The following SLC4A5 variants were observed in gnomAD, a reference collection of about 807,000 sequenced individuals.
SLC4A5 encodes solute carrier family 4 member 5, also known as electrogenic sodium bicarbonate cotransporter 4.
Under a neutral mutation model 120.4 loss-of-function variants are expected in SLC4A5, and 96 were observed. That is an observed-to-expected ratio of 0.80 (90% CI 0.68 to 0.94). SLC4A5 has a LOEUF of 0.94. Among genes scored for constraint, SLC4A5 ranks in the 40% least tolerant of loss-of-function variants. The probability of loss-of-function intolerance (pLI) is 0.00; values close to 1 mark genes in which losing one functional copy is unlikely to be tolerated. For synonymous variants in SLC4A5, 550 were observed against 571.1 expected (o/e 0.96, Z 0.53); for missense variants, 1,259 against 1,459.5 (o/e 0.86, Z 2.24).
At chr2:74,266,106 T>G (rs774717850) in intron 8 of SLC4A5, among the ~76,000 whole-genome samples, 1 of 151,986 alleles carries the variant, frequency 6.6e-6, no homozygotes, top group Non-Finnish European at 1.5e-5. Context: ...AGGAGAATGG[T>G]GAGGAAAGTT....
chr2:74,331,707 C>T (rs1222076947), intron 4 of SLC4A5, among the ~76,000 whole-genome samples: 1 of 152,002 alleles, frequency 6.6e-6, no homozygotes, highest in Non-Finnish European at 1.5e-5. Context: ...ACCTCTCTCC[C>T]TCCAAGCACT....
chr2:74,281,610 C>T (rs1005285550), intron 8 of SLC4A5, among the ~76,000 whole-genome samples: 12 of 152,136 alleles, frequency 7.9e-5, no homozygotes, highest in Admixed American at 6.5e-5. Context: ...TTAGAAATGA[C>T]GCTGCACACA....
At chr2:74,293,463 C>T (rs1672236045) in intron 7 of SLC4A5, among the ~76,000 whole-genome samples, 1 of 152,148 alleles carries the variant, frequency 6.6e-6, no homozygotes, top group Non-Finnish European at 1.5e-5. Flanking sequence ...GACACCTGTC[C>T]CAAGCCTGTG....
chr2:74,282,748 T>C (rs998215443), intron 8 of SLC4A5, among the ~76,000 whole-genome samples: 1 of 152,208 alleles, frequency 6.6e-6, no homozygotes, highest in Admixed American at 6.5e-5. Flanking sequence ...GTGTGTGTGA[T>C]AGGCCCTCGT....
At chr2:74,321,750 A>G (rs1303337629) in intron 5 of SLC4A5, among the ~76,000 whole-genome samples, 1 of 151,404 alleles carries the variant, frequency 6.6e-6, no homozygotes, top group Non-Finnish European at 1.5e-5. Context: ...ACAAAACTTT[A>G]TTTTGTTCAG....
At chr2:74,246,987 G>T in intron 19 of SLC4A5, 49 bp downstream of exon 19, 1 of 1,596,020 alleles carries the variant, frequency 6.3e-7, no homozygotes, top group Non-Finnish European at 8.5e-7. Flanking sequence ...GGATCAGGGG[G>T]CCGGTGGGGT....
intron 19 of SLC4A5, among the ~76,000 whole-genome samples, chr2:74,246,459 A>G (rs529001011): frequency 2.4e-3 from 364 of 152,316 alleles, no homozygotes; most frequent in Non-Finnish European, 4.2e-3. Context: ...CCTTTGTGAC[A>G]TGACAGTCCT....
At chr2:74,236,281 T>TGCC (rs1345102966) in intron 21 of SLC4A5, among the ~76,000 whole-genome samples, 4 of 152,260 alleles carry the variant, frequency 2.6e-5, no homozygotes, top group Admixed American at 2.6e-4. Context: ...ACTTACACTG[T>TGCC]GCCTCCTGTC....
intron 16 of SLC4A5, chr2:74,250,731 A>G: frequency 1.8e-6 from 1 of 559,690 alleles, no homozygotes; most frequent in Non-Finnish European, 3.2e-6. Flanking sequence ...AAGGGTGGAC[A>G]TAGAGGGTTT....
At chr2:74,227,214 T>TG (rs1694876175) in intron 26 of SLC4A5, 84 bp from the exon 27 acceptor site, 4 of 1,450,950 alleles carry the variant, frequency 2.8e-6, no homozygotes, top group African/African-American at 2.8e-5. Flanking sequence ...GGTGCCTGGG[T>TG]GGGGTCTCAG....
chr2:74,288,471 T>A (rs1281914947), intron 7 of SLC4A5, among the ~76,000 whole-genome samples: 1 of 152,220 alleles, frequency 6.6e-6, no homozygotes, highest in Admixed American at 6.5e-5. Context: ...TCAGAGGTGA[T>A]CATCGCCGCT....
chr2:74,244,500 CTTCT>C lies in SLC4A5; in HGVS notation c.2060-2452_2060-2449del, dbSNP rs886760591. On this transcript the variant is annotated intron_variant, in intron 19 of 30. Coordinates refer to ENST00000394019, the Ensembl canonical transcript of SLC4A5. ...TTTCTTCTCCTTTCTCTCTCCCTTCCTTCTTTTCTTTCCCCTTTCTTTCTCTTTC... is the reference window on the plus strand; with the variant it reads ...TTTCTTCTCCTTTCTCTCTCCCTTCCTTTCTTTCCCCTTTCTTTCTCTTTC... Among the ~76,000 whole-genome samples, 276 of 128,936 alleles carry C rather than the reference CTTCT, an allele frequency of 2.1e-3. 1 individual carries two copies. The highest frequency in any genetic ancestry group is 8.2e-3 in the African/African-American group (264 of 32,194). The allele number at this position is 128,936 out of a possible 152,430, so 84.6% of individuals were successfully genotyped here. A position where few individuals can be genotyped will look rare whatever the true frequency, so the allele number is the denominator to read the frequency against.
At chr2:74,227,576 G>C (rs1239058401) in intron 26 of SLC4A5, 1 of 1,594,012 alleles carries the variant, frequency 6.3e-7, no homozygotes, top group Non-Finnish European at 8.6e-7. Context: ...TGTAAAATGG[G>C]GATCAGAGGA....
chr2:74,342,741 C>T (rs546952022), intron 1 of SLC4A5, among the ~76,000 whole-genome samples: 3 of 152,286 alleles, frequency 2.0e-5, no homozygotes, highest in Admixed American at 6.5e-5. Context: ...GTTCCTCATG[C>T]GTTCCTTCCC....
At chr2:74,342,968 G>A (rs1459744450) in intron 1 of SLC4A5, among the ~76,000 whole-genome samples, 3 of 151,924 alleles carry the variant, frequency 2.0e-5, no homozygotes, top group Admixed American at 6.6e-5. Flanking sequence ...TATGCACAGA[G>A]GTCTAACTAG....
intron 27 of SLC4A5, among the ~76,000 whole-genome samples, chr2:74,225,460 G>A (rs1694810079): frequency 6.6e-6 from 1 of 152,190 alleles, no homozygotes; most frequent in African/African-American, 2.4e-5. Flanking sequence ...GCCAGGCATG[G>A]TGGTGGGTGC....
chr2:74,281,449 G>T (rs908776461), intron 8 of SLC4A5, among the ~76,000 whole-genome samples: 2 of 152,118 alleles, frequency 1.3e-5, no homozygotes, highest in African/African-American at 4.8e-5. Flanking sequence ...TCACAGTCAG[G>T]TGGTCGCCCC....
At chr2:74,293,492 T>C (rs1016215445) in intron 7 of SLC4A5, among the ~76,000 whole-genome samples, 1 of 152,188 alleles carries the variant, frequency 6.6e-6, no homozygotes, top group African/African-American at 2.4e-5. Context: ...ATTGGGTCTC[T>C]GAGTTAGCTG....
intron 2 of SLC4A5, among the ~76,000 whole-genome samples, chr2:74,341,235 G>A (rs1318040140): frequency 2.0e-5 from 3 of 151,094 alleles, no homozygotes; most frequent in Non-Finnish European, 2.9e-5. Context: ...AACTCAGGAG[G>A]TGGAGGTTGC....
Sources: gnomAD v4.1 joint callset for allele counts (sites outside exome capture counted in the v4.1 genomes callset) on GRCh38, gnomAD v4.1.1 for gene constraint, MANE v1.5 for transcripts, NCBI Gene and HGNC (gene_info 2026-07-23, HGNC 2026-07-21) for gene names.